Variants in VSIG10 observed in about 807,000 individuals in gnomAD.
VSIG10 encodes V-set and immunoglobulin domain containing 10, also known as V-set and immunoglobulin domain-containing protein 10.
VSIG10 carries 48 observed loss-of-function variants against 58.7 expected under a neutral mutation model. The observed-to-expected ratio is 0.82, with a 90% CI of 0.65 to 1.04. The LOEUF (loss-of-function observed/expected upper bound fraction) is 1.04, where lower values mean the gene tolerates loss of function less well. Among genes scored for constraint, VSIG10 ranks in the 50% least tolerant of loss-of-function variants. The probability of loss-of-function intolerance (pLI) is 0.00; values close to 1 mark genes in which losing one functional copy is unlikely to be tolerated. For missense variants in VSIG10, 628 were observed against 670.0 expected (o/e 0.94, Z 0.69); for synonymous variants, 260 against 267.1 (o/e 0.97, Z 0.26).
At chr12:118,072,331 G>A (rs186663297) in intron 5 of VSIG10, among the ~76,000 whole-genome samples, 164 of 151,798 alleles carry the variant, frequency 1.1e-3, no homozygotes, top group African/African-American at 3.6e-3. Flanking sequence ...CGGGCACAGC[G>A]GCGGGCGCCT....
At chr12:118,092,638 C>CTTTTT (rs35654590) in intron 2 of VSIG10, among the ~76,000 whole-genome samples, 1 of 140,448 alleles carries the variant, frequency 7.1e-6, no homozygotes, top group Admixed American at 7.3e-5. Flanking sequence ...TTTTCTTTTT[C>CTTTTT]TTTTTTTTTT....
intron 3 of VSIG10, among the ~76,000 whole-genome samples, chr12:118,080,809 T>C (rs2032922351): frequency 6.6e-6 from 1 of 152,022 alleles, no homozygotes; most frequent in Admixed American, 6.6e-5. Flanking sequence ...TCATATGAAG[T>C]GTACAGAACA....
chr12:118,079,965 C>G (rs1402880086), intron 3 of VSIG10, among the ~76,000 whole-genome samples: 1 of 152,194 alleles, frequency 6.6e-6, no homozygotes, highest in African/African-American at 2.4e-5. Flanking sequence ...TCCCAAGTAG[C>G]TGGGATTACA....
chr12:118,076,734 C>T (rs138079919), intron 4 of VSIG10, among the ~76,000 whole-genome samples: 1 of 152,198 alleles, frequency 6.6e-6, no homozygotes, highest in East Asian at 1.9e-4. Context: ...CCGCTCACTG[C>T]AGCCTCAACC....
chr12:118,071,558 T>C, intron 5 of VSIG10, 89 bp from the exon 6 acceptor site: 1 of 1,207,816 alleles, frequency 8.3e-7, no homozygotes, highest in South Asian at 1.3e-5. Context: ...GATCCAGTTC[T>C]TGTCTTGATT....
chr12:118,075,188 A>ATATATATGTGTGTGTGTG (rs1191477897), intron 4 of VSIG10, among the ~76,000 whole-genome samples: 3 of 146,610 alleles, frequency 2.0e-5, no homozygotes, highest in Non-Finnish European at 4.5e-5. Flanking sequence ...ATGTGTGTAT[A>ATATATATGTGTGTGTGTG]TATATATGTG....
rs906899340 is a variant in VSIG10 at position 118,103,918 on chromosome 12, G to T, written c.-247C>A. ...TGGCCGGGGAGGGAGGGCGCACCCC[G>T]CCCCCTGCGCCCGCCAGCCTACTCC... On this transcript the variant is annotated 5_prime_UTR_variant, in exon 1 of 9. Transcript: ENST00000359236. The T allele has an allele frequency of 2.5e-5, 10 of 398,268 alleles. No individual in the cohort carries two copies. The highest frequency in any genetic ancestry group is 6.2e-5 in the African/African-American group (3 of 48,004). The allele number at this position is 398,268 out of a possible 1,614,324, so 24.7% of individuals were successfully genotyped here.
chr12:118,075,182 G>GTATA (rs1309158199), intron 4 of VSIG10, among the ~76,000 whole-genome samples: 2 of 99,426 alleles, frequency 2.0e-5, no homozygotes, highest in African/African-American at 4.3e-5. Flanking sequence ...GTATATATGT[G>GTATA]TGTATATATA....
chr12:118,069,917 C>A (rs1410754669), intron 7 of VSIG10, among the ~76,000 whole-genome samples: 1 of 152,136 alleles, frequency 6.6e-6, no homozygotes, highest in Non-Finnish European at 1.5e-5. Flanking sequence ...CATTTGAACC[C>A]AGGTCCAATG....
rs756857944 is a variant in VSIG10, at chr12:118,079,495, A to G, written c.776T>C (p.Ile259Thr). The change falls in exon 4 of 9, where the codon ATA becomes ACA. Residue 259 changes from isoleucine to threonine, a missense_variant. Transcript: ENST00000359236. The stretch of plus-strand genomic sequence containing the variant: ...CACGATTACACCTCCTGGCTCTTCT[A>G]TCCACAGGAAGTCAGGGTCAGGGTA... ...GGYPDPDFLW[I>T]EEPGGVIVGK... 27 of 1,613,976 alleles carry G rather than the reference A, an allele frequency of 1.7e-5. No individual in the cohort carries two copies. Among genetic ancestry groups the G allele is most frequent in the Non-Finnish European group, 8.5e-7 (1 of 1,179,898 alleles).
intron 4 of VSIG10, among the ~76,000 whole-genome samples, chr12:118,076,535 G>A (rs1039381665): frequency 6.6e-6 from 1 of 152,034 alleles, no homozygotes; most frequent in Non-Finnish European, 1.5e-5. Flanking sequence ...ATGGTGTTTC[G>A]CTGTGTTGCC....
intron 1 of VSIG10, among the ~76,000 whole-genome samples, chr12:118,097,012 C>A (rs1432218191): frequency 2.0e-5 from 3 of 152,156 alleles, no homozygotes; most frequent in Non-Finnish European, 4.4e-5. Flanking sequence ...GTACTCCAGG[C>A]TGGGCGACAG....
At chr12:118,078,137 G>T (rs1382795687) in intron 4 of VSIG10, among the ~76,000 whole-genome samples, 1 of 152,110 alleles carries the variant, frequency 6.6e-6, no homozygotes, top group Non-Finnish European at 1.5e-5. Flanking sequence ...TTAGCTTACT[G>T]CAAAAGTAAT....
At chr12:118,082,621 C>T (rs7488514) in intron 2 of VSIG10, among the ~76,000 whole-genome samples, 192 bp from the exon 3 acceptor site, 102,521 of 152,018 alleles carry the variant, frequency 0.67, 36,527 homozygotes, top group African/African-American at 0.91. Flanking sequence ...CTATGTGAGA[C>T]TTTTTTAGGG....
chr12:118,090,980 CA>C (rs1267854485), intron 2 of VSIG10, among the ~76,000 whole-genome samples: 1 of 151,900 alleles, frequency 6.6e-6, no homozygotes, highest in Non-Finnish European at 1.5e-5. Context: ...ACTGAAAATA[CA>C]AAAAAATAGC....
Position 118,063,874 on chromosome 12 carries a change from G to A in VSIG10, c.*2765C>T, listed in dbSNP as rs1207955429. 4 of 152,108 alleles carry A rather than the reference G, an allele frequency of 2.6e-5. No homozygotes were observed. The East Asian group carries it at 5.8e-4, about 22-fold the overall frequency. 9.4% of individuals were successfully genotyped at this position (152,108 alleles called of 1,614,324 possible). On this transcript the variant is annotated 3_prime_UTR_variant, in exon 9 of 9. Coordinates refer to ENST00000359236, the MANE Select transcript of VSIG10 (RefSeq NM_019086.6). ...TTGTGTTTTCCTGCGGCAATTATGG[G>A]GCTTGTATGTGCTTGTGAGAATTGG...
At chr12:118,071,609 G>T (rs1382454245) in intron 5 of VSIG10, 140 bp from the exon 6 acceptor site, 4 of 703,070 alleles carry the variant, frequency 5.7e-6, no homozygotes, top group African/African-American at 1.8e-5. Context: ...TGTAATGCCA[G>T]ATAAATATTT....
chr12:118,091,069 A>G (rs1173294179), intron 2 of VSIG10, among the ~76,000 whole-genome samples: 1 of 152,144 alleles, frequency 6.6e-6, no homozygotes, highest in Non-Finnish European at 1.5e-5. Context: ...CGGGAAGCAG[A>G]GGTTGCAGTG....
intron 2 of VSIG10, among the ~76,000 whole-genome samples, chr12:118,089,407 G>C (rs1418224382): frequency 2.0e-5 from 3 of 152,180 alleles, no homozygotes; most frequent in Non-Finnish European, 4.4e-5. Flanking sequence ...ATAAACTAAA[G>C]AGAGTGATGA....
Sources: allele counts gnomAD v4.1 joint callset (sites outside exome capture counted in the v4.1 genomes callset), GRCh38; gene constraint gnomAD v4.1.1; transcripts MANE v1.5; gene names NCBI Gene and HGNC (gene_info 2026-07-23, HGNC 2026-07-21).